Variants in ARHGAP12 observed in about 807,000 individuals in gnomAD.
ARHGAP12 encodes the protein rho GTPase-activating protein 12.
Under a neutral mutation model 108.6 loss-of-function variants are expected in ARHGAP12, and 64 were observed. The observed-to-expected ratio is 0.59, with a 90% CI of 0.48 to 0.73. The LOEUF is 0.73. ARHGAP12 is among the 30% of genes least tolerant of loss of function. The pLI is 0.00. For synonymous variants in ARHGAP12, 312 were observed against 337.2 expected, an observed-to-expected ratio of 0.93 and a Z score of 0.82; for missense variants, 940 against 1,005.9, an observed-to-expected ratio of 0.93 and a Z score of 0.89.
intron 3 of ARHGAP12, among the ~76,000 whole-genome samples, chr10:31,893,062 G>C (rs566901971): frequency 1.0e-3 from 153 of 152,266 alleles, no homozygotes; most frequent in African/African-American, 3.4e-3. Context: ...CAAGAACAAA[G>C]ACACAACATA....
At chr10:31,876,546 CAAAA>C (rs57573841) in intron 3 of ARHGAP12, among the ~76,000 whole-genome samples, 1 of 136,666 alleles carries the variant, frequency 7.3e-6, no homozygotes, top group East Asian at 2.1e-4. Flanking sequence ...AAAAAACCAC[CAAAA>C]AAAAAAAAAA....
chr10:31,807,462 A>T lies in ARHGAP12; in HGVS notation c.*196T>A, dbSNP rs538781994. The stretch of plus-strand genomic sequence containing the variant: ...AATGAATTCATAATTACACGCAGTT[A>T]TATCAACTTGCAACAAAGCAGCAAA... On this transcript the variant is annotated 3_prime_UTR_variant, in exon 20 of 20. Transcript: ENST00000344936. 2.4e-4 allele frequency: 109 copies of T among 449,514 alleles called. No individual in the cohort carries two copies. The highest frequency in any genetic ancestry group is 1.9e-3 in the African/African-American group (92 of 49,182). 27.8% of individuals were successfully genotyped at this position (449,514 alleles called of 1,614,324 possible). A position where few individuals can be genotyped will look rare whatever the true frequency, so the allele number is the denominator to read the frequency against.
rs1484529097 is a variant in ARHGAP12 at position 31,808,889 on chromosome 10, CTG to C, written c.2263+103_2263+104del. On this transcript the variant is annotated intron_variant, in intron 18 of 19. Coordinates refer to ENST00000344936, the MANE Select transcript of ARHGAP12 (RefSeq NM_018287.7). ...TTTAAAATGTTTGGAGTAAAACAAT[CTG>C]TTGAAAATACTTGCTTAAAGTAAGA... 61 of 1,377,182 alleles carry C rather than the reference CTG, an allele frequency of 4.4e-5. 1 individual carries two copies. Among genetic ancestry groups the C allele is most frequent in the Admixed American group, 8.6e-5 (4 of 46,330 alleles). 85.3% of individuals were successfully genotyped at this position (1,377,182 alleles called of 1,614,324 possible). A position where few individuals can be genotyped will look rare whatever the true frequency, so the allele number is the denominator to read the frequency against.
chr10:31,826,667 A>G, intron 10 of ARHGAP12: 1 of 301,200 alleles, frequency 3.3e-6, no homozygotes, highest in Non-Finnish European at 6.0e-6. Context: ...TGAAATTAAT[A>G]CAGCACTTTG....
chr10:31,835,025 C>T (rs149705943), intron 9 of ARHGAP12, among the ~76,000 whole-genome samples: 3,275 of 151,674 alleles, frequency 0.022, 129 homozygotes, highest in African/African-American at 0.075. Flanking sequence ...ATGGTAAAAC[C>T]CCATCTCTAC....
At chr10:31,813,138 C>T (rs1835080191) in intron 14 of ARHGAP12, among the ~76,000 whole-genome samples, 1 of 152,050 alleles carries the variant, frequency 6.6e-6, no homozygotes, top group South Asian at 2.1e-4. Flanking sequence ...AAATGATTAA[C>T]TACTTATCTT....
chr10:31,825,286 T>A (rs954756790), intron 11 of ARHGAP12, among the ~76,000 whole-genome samples: 21 of 152,174 alleles, frequency 1.4e-4, no homozygotes, highest in African/African-American at 5.1e-4. Context: ...TTAAATTTTA[T>A]AAATGGACTT....
chr10:31,880,533 A>G (rs1184911053), intron 3 of ARHGAP12, among the ~76,000 whole-genome samples: 1 of 152,178 alleles, frequency 6.6e-6, no homozygotes, highest in Non-Finnish European at 1.5e-5. Context: ...AAAAAGAATA[A>G]GATTCTACTT....
chr10:31,904,113 T>C (rs980976700), intron 3 of ARHGAP12, among the ~76,000 whole-genome samples: 10 of 152,234 alleles, frequency 6.6e-5, no homozygotes, highest in Admixed American at 4.6e-4. Context: ...TGTAGGCGTT[T>C]ATCCCAAAGA....
chr10:31,904,486 C>A (rs1839043150), intron 3 of ARHGAP12, among the ~76,000 whole-genome samples: 1 of 152,162 alleles, frequency 6.6e-6, no homozygotes, highest in Admixed American at 6.5e-5. Context: ...AAAAGGGCAA[C>A]ATACAGGATT....
intron 1 of ARHGAP12, among the ~76,000 whole-genome samples, chr10:31,911,336 GAC>G (rs1839339183): frequency 6.6e-6 from 1 of 152,128 alleles, no homozygotes; most frequent in African/African-American, 2.4e-5. Flanking sequence ...TTACTTTCGA[GAC>G]ACAGTCTCAC....
At chr10:31,868,843 G>A (rs1372528466) in intron 3 of ARHGAP12, among the ~76,000 whole-genome samples, 1 of 151,860 alleles carries the variant, frequency 6.6e-6, no homozygotes, top group Non-Finnish European at 1.5e-5. Flanking sequence ...GTGAGAGGAT[G>A]ACTTGAGCCC....
At chr10:31,909,221 T>C (rs1333606485) in intron 2 of ARHGAP12, among the ~76,000 whole-genome samples, 1 of 152,206 alleles carries the variant, frequency 6.6e-6, no homozygotes, top group Admixed American at 6.5e-5. Flanking sequence ...CTTTCCTTCC[T>C]TTCATTACTC....
chr10:31,925,844 GA>G (rs1467057516), intron 1 of ARHGAP12, among the ~76,000 whole-genome samples: 1 of 152,144 alleles, frequency 6.6e-6, no homozygotes, highest in African/African-American at 2.4e-5. Flanking sequence ...AAACACACTT[GA>G]TATTTCAAAA....
chr10:31,928,485 C>A (rs991311736), intron 1 of ARHGAP12, among the ~76,000 whole-genome samples, 198 bp downstream of exon 1: 5 of 151,126 alleles, frequency 3.3e-5, no homozygotes, highest in African/African-American at 4.9e-5. Context: ...AACCCCCGCG[C>A]CCAGAGCCCC....
chr10:31,918,282 A>G (rs1359468257), intron 1 of ARHGAP12, among the ~76,000 whole-genome samples: 2 of 151,204 alleles, frequency 1.3e-5, no homozygotes, highest in Non-Finnish European at 2.9e-5. Flanking sequence ...AAGAACCTGC[A>G]AAGATGCTGA....
chr10:31,874,911 T>C (rs1837668972), intron 3 of ARHGAP12, among the ~76,000 whole-genome samples: 1 of 134,954 alleles, frequency 7.4e-6, no homozygotes, highest in Admixed American at 9.2e-5. Context: ...GAGGCAGAGG[T>C]TGCAGTGAGC....
intron 3 of ARHGAP12, among the ~76,000 whole-genome samples, chr10:31,880,292 T>C (rs1042647371): frequency 3.9e-5 from 6 of 152,162 alleles, no homozygotes; most frequent in Admixed American, 1.3e-4. Context: ...TTAAAGTCCC[T>C]AGTTCAAGTT....
intron 11 of ARHGAP12, among the ~76,000 whole-genome samples, chr10:31,822,186 T>C (rs1045748601): frequency 1.3e-5 from 2 of 152,154 alleles, no homozygotes; most frequent in African/African-American, 2.4e-5. Flanking sequence ...CACCAATGTA[T>C]TCATCACAAA....
Sources: gnomAD v4.1 joint callset for allele counts (sites outside exome capture counted in the v4.1 genomes callset) on GRCh38, gnomAD v4.1.1 for gene constraint, MANE v1.5 for transcripts, NCBI Gene and HGNC (gene_info 2026-07-23, HGNC 2026-07-21) for gene names.